The following ZFAND3 variants were observed in gnomAD, a reference collection of about 807,000 sequenced individuals.
ZFAND3 encodes zinc finger AN1-type containing 3.
Under a neutral mutation model 29.6 loss-of-function variants are expected in ZFAND3, and 10 were observed. That is an observed-to-expected ratio of 0.34 (90% CI 0.21 to 0.57). The LOEUF is 0.57. ZFAND3 is among the 20% of genes least tolerant of loss of function. The probability of loss-of-function intolerance (pLI) is 0.86; values close to 1 mark genes in which losing one functional copy is unlikely to be tolerated. For synonymous variants in ZFAND3, 128 were observed against 112.6 expected, an observed-to-expected ratio of 1.14 and a Z score of -0.87; for missense variants, 230 against 304.5, an observed-to-expected ratio of 0.76 and a Z score of 1.82.
At chr6:38,071,804 T>G (rs1322326488) in intron 3 of ZFAND3, among the ~76,000 whole-genome samples, 1 of 152,220 alleles carries the variant, frequency 6.6e-6, no homozygotes, top group Non-Finnish European at 1.5e-5. Flanking sequence ...GCTACTTTGC[T>G]CTGTCCCAGA....
intron 2 of ZFAND3, among the ~76,000 whole-genome samples, chr6:37,940,189 T>A (rs1025402721): frequency 6.6e-6 from 1 of 152,224 alleles, no homozygotes; most frequent in African/African-American, 2.4e-5. Context: ...TGGATAACTT[T>A]CAGATAGACT....
intron 4 of ZFAND3, among the ~76,000 whole-genome samples, chr6:38,085,869 T>G (rs530893536): frequency 6.6e-6 from 1 of 152,328 alleles, no homozygotes; most frequent in African/African-American, 2.4e-5. Flanking sequence ...CATTTTCTTC[T>G]TAGTACTTTG....
At chr6:37,845,603 T>G (rs1037701307) in intron 1 of ZFAND3, among the ~76,000 whole-genome samples, 2 of 152,238 alleles carry the variant, frequency 1.3e-5, no homozygotes, top group African/African-American at 4.8e-5. Context: ...CTGTGGTAAC[T>G]TGCAGCATTT....
intron 2 of ZFAND3, among the ~76,000 whole-genome samples, chr6:37,969,188 A>C (rs142866013): frequency 1.3e-5 from 2 of 152,176 alleles, no homozygotes; most frequent in Non-Finnish European, 2.9e-5. Flanking sequence ...TTATGGTATC[A>C]CTGTCGCATA....
intron 2 of ZFAND3, among the ~76,000 whole-genome samples, chr6:37,948,121 G>T (rs574682638): frequency 6.6e-6 from 1 of 152,234 alleles, no homozygotes; most frequent in South Asian, 2.1e-4. Flanking sequence ...GGTCAGGTTG[G>T]TTGACAGTGT....
intron 3 of ZFAND3, among the ~76,000 whole-genome samples, chr6:38,076,796 G>A (rs1764564036): frequency 6.6e-6 from 1 of 152,246 alleles, no homozygotes; most frequent in East Asian, 1.9e-4. Context: ...GACAGCCTAG[G>A]TGTGTCCTTT....
chr6:38,116,871 T>A, intron 5 of ZFAND3, 132 bp downstream of exon 5: 1 of 1,186,888 alleles, frequency 8.4e-7, no homozygotes, highest in Non-Finnish European at 1.2e-6. Flanking sequence ...GTGCATGCGA[T>A]ATAGGTTTGG....
intron 1 of ZFAND3, among the ~76,000 whole-genome samples, chr6:37,868,479 A>G (rs747869600): frequency 4.6e-5 from 7 of 152,284 alleles, no homozygotes; most frequent in African/African-American, 7.2e-5. Flanking sequence ...TATGGGGTAC[A>G]TAGTGGAGGG....
At chr6:38,078,467 T>A (rs1434052438) in intron 3 of ZFAND3, among the ~76,000 whole-genome samples, 2 of 152,144 alleles carry the variant, frequency 1.3e-5, no homozygotes, top group Admixed American at 1.3e-4. Context: ...CTTGAAAAAA[T>A]TCAGTTAATT....
chr6:38,035,815 C>T (rs200495411), intron 2 of ZFAND3, among the ~76,000 whole-genome samples: 3 of 152,034 alleles, frequency 2.0e-5, no homozygotes, highest in Non-Finnish European at 4.4e-5. Flanking sequence ...GCTTGGTTGA[C>T]CTTCTAGGTG....
chr6:37,972,190 C>G (rs1372430923), intron 2 of ZFAND3, among the ~76,000 whole-genome samples: 2 of 152,148 alleles, frequency 1.3e-5, no homozygotes, highest in African/African-American at 2.4e-5. Context: ...ATACCTCACT[C>G]AGCACATTAC....
chr6:38,026,649 C>G (rs903421113), intron 2 of ZFAND3, among the ~76,000 whole-genome samples: 1 of 151,848 alleles, frequency 6.6e-6, no homozygotes, highest in Admixed American at 6.6e-5. Flanking sequence ...CAGGCTGATC[C>G]TGAACTTCTG....
At chr6:37,974,400 CTCTTTTT>C (rs753964423) in intron 2 of ZFAND3, among the ~76,000 whole-genome samples, 1 of 99,798 alleles carries the variant, frequency 1.0e-5, no homozygotes, top group Admixed American at 1.2e-4. Flanking sequence ...CTCTCTCTCT[CTCTTTTT>C]TTTTTTTTTT....
chr6:37,995,327 C>CTG (rs1762831710), intron 2 of ZFAND3, among the ~76,000 whole-genome samples: 1 of 152,148 alleles, frequency 6.6e-6, no homozygotes, highest in Admixed American at 6.5e-5. Context: ...AAGAACTTAA[C>CTG]TGTTTTCAAG....
At chr6:37,939,691 G>A (rs922481927) in intron 2 of ZFAND3, among the ~76,000 whole-genome samples, 1 of 152,114 alleles carries the variant, frequency 6.6e-6, no homozygotes, top group Non-Finnish European at 1.5e-5. Context: ...TGTTTGGGTT[G>A]GATACAGTTG....
chr6:38,050,960 T>C (rs780664874), intron 2 of ZFAND3, among the ~76,000 whole-genome samples: 16 of 152,120 alleles, frequency 1.1e-4, no homozygotes, highest in Non-Finnish European at 1.8e-4. Flanking sequence ...ATTGGTGGTG[T>C]GTGACCCTGG....
At chr6:38,138,368 A>C (rs533341196) in intron 5 of ZFAND3, among the ~76,000 whole-genome samples, 73 of 152,286 alleles carry the variant, frequency 4.8e-4, no homozygotes, top group African/African-American at 1.7e-3. Flanking sequence ...CTACCTTTAA[A>C]TAGGCAAAGT....
chr6:37,869,355 C>G (rs1210780496), intron 1 of ZFAND3, among the ~76,000 whole-genome samples: 3 of 151,936 alleles, frequency 2.0e-5, no homozygotes, highest in Non-Finnish European at 1.5e-5. Context: ...GATGGGGTTT[C>G]ACCATGTTGG....
At chr6:37,854,975 T>G (rs1486975510) in intron 1 of ZFAND3, among the ~76,000 whole-genome samples, 6 of 138,212 alleles carry the variant, frequency 4.3e-5, no homozygotes, top group East Asian at 1.9e-4. Context: ...TTTTTTTTTT[T>G]TTTTTTTTTT....
Sources: gnomAD v4.1 joint callset for allele counts (sites outside exome capture counted in the v4.1 genomes callset) on GRCh38, gnomAD v4.1.1 for gene constraint, MANE v1.5 for transcripts, NCBI Gene and HGNC (gene_info 2026-07-23, HGNC 2026-07-21) for gene names.